SUMF1: variants seen among roughly 807,000 people sequenced by gnomAD.
SUMF1 encodes the protein sulfatase modifying factor 1, also known as formylglycine-generating enzyme.
SUMF1 carries 48 observed loss-of-function variants against 47.6 expected under a neutral mutation model. The ratio of observed to expected loss-of-function variants is 1.01; its 90% CI spans 0.80 to 1.28. The LOEUF (loss-of-function observed/expected upper bound fraction) is 1.28. SUMF1 is among the 50% of genes most tolerant of loss of function. SUMF1 has a pLI of 0.00. For missense variants in SUMF1, 571 were observed against 485.4 expected (o/e 1.18, Z -1.66); for synonymous variants, 230 against 192.1 (o/e 1.20, Z -1.63).
intron 8 of SUMF1, among the ~76,000 whole-genome samples, chr3:4,091,519 T>C (rs1045774983): frequency 2.6e-5 from 4 of 152,172 alleles, no homozygotes; most frequent in Admixed American, 6.5e-5. Context: ...TTCTTTTTTA[T>C]GTACAAATTG....
chr3:4,395,351 GT>G (rs1304145395), intron 7 of SUMF1, among the ~76,000 whole-genome samples: 2 of 151,986 alleles, frequency 1.3e-5, no homozygotes, highest in African/African-American at 4.8e-5. Flanking sequence ...AATGTCCAAC[GT>G]GAAAAAATAT....
chr3:4,165,672 C>T (rs1694683041), intron 8 of SUMF1, among the ~76,000 whole-genome samples: 1 of 151,956 alleles, frequency 6.6e-6, no homozygotes, highest in Non-Finnish European at 1.5e-5. Context: ...CTCAGGTGGC[C>T]ATTTTTCCCC....
intron 3 of SUMF1, among the ~76,000 whole-genome samples, chr3:4,438,155 T>C (rs1158955442): frequency 6.6e-6 from 1 of 152,036 alleles, no homozygotes; most frequent in African/African-American, 2.4e-5. Flanking sequence ...ATTTTAATTA[T>C]TTCATTTTAT....
intron 8 of SUMF1, among the ~76,000 whole-genome samples, chr3:4,152,519 C>T (rs141455643): frequency 0.011 from 1,635 of 151,098 alleles, 35 homozygotes; most frequent in Admixed American, 0.018. Flanking sequence ...TCTCAAACTC[C>T]TGGGCTCAAG....
intron 4 of SUMF1, among the ~76,000 whole-genome samples, chr3:4,419,158 C>T (rs1701812538): frequency 6.6e-6 from 1 of 152,148 alleles, no homozygotes; most frequent in Non-Finnish European, 1.5e-5. Context: ...TAGCATTTTC[C>T]TCTGTTACTA....
At chr3:4,221,000 C>T (rs1188007735) in intron 8 of SUMF1, among the ~76,000 whole-genome samples, 2 of 152,062 alleles carry the variant, frequency 1.3e-5, no homozygotes, top group African/African-American at 4.8e-5. Flanking sequence ...AACTGTCTGC[C>T]CACACATATT....
intron 3 of SUMF1, among the ~76,000 whole-genome samples, chr3:4,437,649 G>A (rs1702444380): frequency 1.3e-5 from 2 of 152,116 alleles, no homozygotes; most frequent in Non-Finnish European, 2.9e-5. Flanking sequence ...AATTAAAAGT[G>A]AAAAGAAGGC....
intron 8 of SUMF1, among the ~76,000 whole-genome samples, chr3:4,249,170 G>A (rs538703732): frequency 6.6e-6 from 1 of 152,190 alleles, no homozygotes. Flanking sequence ...AGCAGAGTGG[G>A]TATAATTTGG....
At chr3:4,168,098 G>A (rs1340404504) in intron 8 of SUMF1, among the ~76,000 whole-genome samples, 1 of 152,040 alleles carries the variant, frequency 6.6e-6, no homozygotes, top group Non-Finnish European at 1.5e-5. Flanking sequence ...TCTATTTTCA[G>A]GGAGTTTACA....
At chr3:4,352,274 G>T (rs1453155952) in intron 8 of SUMF1, among the ~76,000 whole-genome samples, 1 of 152,032 alleles carries the variant, frequency 6.6e-6, no homozygotes, top group Non-Finnish European at 1.5e-5. Context: ...TGCACATTGG[G>T]AATATTAACC....
At chr3:4,440,054 T>G (rs1702530023) in intron 3 of SUMF1, among the ~76,000 whole-genome samples, 1 of 151,960 alleles carries the variant, frequency 6.6e-6, no homozygotes, top group African/African-American at 2.4e-5. Context: ...GCCAACATGG[T>G]GAAACCCCGT....
rs547887838 is a variant in SUMF1 at position 4,054,526 on chromosome 3, ATT to A, written c.1191+14041_1191+14042del. On this transcript the variant is annotated intron_variant and NMD_transcript_variant, in intron 9 of 12. Transcript: ENST00000448413. Reference sequence around the variant, plus strand: ...CAAATGCTGTAGCAAACAGTTAAATATTTTATTCAGGTGTATGTTTATGTGCC... The same window carrying A: ...CAAATGCTGTAGCAAACAGTTAAATATTATTCAGGTGTATGTTTATGTGCC... Among the ~76,000 whole-genome samples, 486 of 152,168 alleles carry A rather than the reference ATT, an allele frequency of 3.2e-3. 5 individuals are homozygous for A. Among genetic ancestry groups the A allele is most frequent in the African/African-American group, 0.011 (437 of 41,496 alleles).
At chr3:4,303,366 G>A in intron 8 of SUMF1, 1 of 1,544,164 alleles carries the variant, frequency 6.5e-7, no homozygotes, top group East Asian at 2.7e-5. Context: ...GCGTGAGGCG[G>A]GTAAATGTTC....
intron 8 of SUMF1, among the ~76,000 whole-genome samples, chr3:4,187,501 A>G (rs1261122288): frequency 6.6e-6 from 1 of 152,128 alleles, no homozygotes; most frequent in African/African-American, 2.4e-5. Context: ...TTAGTGGTAT[A>G]TAATTCCCAG....
chr3:4,176,837 G>C (rs1694975934), intron 8 of SUMF1, among the ~76,000 whole-genome samples: 1 of 152,178 alleles, frequency 6.6e-6, no homozygotes, highest in Non-Finnish European at 1.5e-5. Flanking sequence ...TGAAGGGATA[G>C]AGGAAGATTT....
intron 8 of SUMF1, among the ~76,000 whole-genome samples, chr3:4,086,238 T>C (rs1046413259): frequency 3.3e-5 from 5 of 151,798 alleles, no homozygotes; most frequent in African/African-American, 1.2e-4. Context: ...AACAGAATTA[T>C]TGTCATTAAA....
At chr3:4,245,063 C>A (rs1489806197) in intron 8 of SUMF1, among the ~76,000 whole-genome samples, 1 of 151,920 alleles carries the variant, frequency 6.6e-6, no homozygotes, top group Non-Finnish European at 1.5e-5. Flanking sequence ...TCAAAAAGTT[C>A]TTGTACTGTG....
At chr3:4,210,648 T>A (rs1192519074) in intron 8 of SUMF1, among the ~76,000 whole-genome samples, 1 of 152,120 alleles carries the variant, frequency 6.6e-6, no homozygotes, top group African/African-American at 2.4e-5. Context: ...GGGGTATATG[T>A]GCATGTTTTT....
intron 8 of SUMF1, among the ~76,000 whole-genome samples, chr3:4,102,770 T>C (rs543933535): frequency 1.3e-4 from 19 of 151,736 alleles, no homozygotes; most frequent in Non-Finnish European, 2.2e-4. Flanking sequence ...AGGTGCTTGA[T>C]AAATTAATGT....
Sources: allele counts gnomAD v4.1 joint callset (sites outside exome capture counted in the v4.1 genomes callset), GRCh38; gene constraint gnomAD v4.1.1; transcripts MANE v1.5; gene names NCBI Gene and HGNC (gene_info 2026-07-23, HGNC 2026-07-21).